The following GTF3C1 variants were observed in gnomAD, a reference collection of about 807,000 sequenced individuals.
GTF3C1 encodes general transcription factor IIIC subunit 1.
GTF3C1 carries 57 observed loss-of-function variants against 226.7 expected under a neutral mutation model. The observed-to-expected ratio is 0.25, with a 90% CI of 0.20 to 0.31. The LOEUF (loss-of-function observed/expected upper bound fraction) is 0.31. Among genes scored for constraint, GTF3C1 ranks in the 10% least tolerant of loss-of-function variants. The pLI, the probability that GTF3C1 is intolerant of heterozygous loss-of-function variation, is 1.00. For missense variants in GTF3C1, 2,217 were observed against 2,776.1 expected, an observed-to-expected ratio of 0.80 and a Z score of 4.53; for synonymous variants, 1,090 against 1,084.8, an observed-to-expected ratio of 1.00 and a Z score of -0.09.
At chr16:27,532,029 G>A (rs1337068485) in intron 5 of GTF3C1, among the ~76,000 whole-genome samples, 3 of 152,214 alleles carry the variant, frequency 2.0e-5, no homozygotes, top group Non-Finnish European at 4.4e-5. Context: ...GAAGCAGGTG[G>A]ACTGCGGGGG....
In GTF3C1 at chr16:27,497,081, G is replaced by A. The variant is rs561167416; in HGVS notation, c.2350+556C>T. 5.9e-5 allele frequency among the ~76,000 whole-genome samples: 9 copies of A among 152,164 alleles called. No individual in the cohort carries two copies. In the South Asian group the frequency reaches 6.2e-4, roughly 11 times the overall value. The stretch of plus-strand genomic sequence containing the variant: ...GCTGCCTGACAGACAGCCGGGCCCC[G>A]GTGAGTCAAGTTTGCCCTCCTTCCT... On this transcript the variant is annotated intron_variant, in intron 14 of 36. Transcript: ENST00000356183.
intron 6 of GTF3C1, among the ~76,000 whole-genome samples, chr16:27,512,556 G>T (rs2088591310): frequency 6.6e-6 from 1 of 152,302 alleles, no homozygotes; most frequent in East Asian, 1.9e-4. Context: ...ACCAGCAATG[G>T]GGGTGGAGGG....
At chr16:27,486,265 T>G in intron 23 of GTF3C1, 111 bp from the exon 24 acceptor site, 2 of 614,588 alleles carry the variant, frequency 3.3e-6, no homozygotes, top group Non-Finnish European at 5.8e-6. Flanking sequence ...CTAATGGTAT[T>G]GGTTAGCAGA....
At chr16:27,538,419 A>T in intron 2 of GTF3C1, 63 bp from the exon 3 acceptor site, 2 of 1,030,482 alleles carry the variant, frequency 1.9e-6, no homozygotes, top group Non-Finnish European at 2.8e-6. Context: ...AACTGAGATA[A>T]GAAAAAGAAA....
chr16:27,521,191 G>A (rs371882710), intron 6 of GTF3C1, among the ~76,000 whole-genome samples: 30 of 152,344 alleles, frequency 2.0e-4, no homozygotes, highest in African/African-American at 4.3e-4. Context: ...GGATACCTCC[G>A]CTGCCAGGCC....
chr16:27,473,508 G>C (rs1272665415), intron 29 of GTF3C1, among the ~76,000 whole-genome samples: 1 of 152,222 alleles, frequency 6.6e-6, no homozygotes, highest in Admixed American at 6.5e-5. Context: ...AGGATTTTAG[G>C]TGCTGCCCCC....
Position 27,501,090 on chromosome 16 carries a change from T to G in GTF3C1, c.2061+101A>C. On this transcript the variant is annotated intron_variant, in intron 12 of 36. Transcript: ENST00000356183. ...ATAATGGGAAATTCCAAGTCACTGGTAATAAAGCAACTACCAGGATACAGC... is the reference window on the plus strand; with the variant it reads ...ATAATGGGAAATTCCAAGTCACTGGGAATAAAGCAACTACCAGGATACAGC... The G allele has an allele frequency of 3.1e-6, 3 of 955,390 alleles. No individual in the cohort carries two copies. The African/African-American group carries it at 4.9e-5, about 15-fold the overall frequency. The allele number at this position is 955,390 out of a possible 1,614,324, so 59.2% of individuals were successfully genotyped here.
intron 2 of GTF3C1, among the ~76,000 whole-genome samples, chr16:27,538,969 TATACAC>T (rs1415434437): frequency 2.3e-5 from 3 of 128,852 alleles, no homozygotes; most frequent in Admixed American, 7.8e-5. Flanking sequence ...TATACACACA[TATACAC>T]ACACACACAC....
chr16:27,476,479 C>A lies in GTF3C1; in HGVS notation c.4325G>T (p.Ser1442Ile). 1 of 1,612,894 alleles carries A rather than the reference C, an allele frequency of 6.2e-7. No individual in the cohort carries two copies. Reference sequence around the variant, plus strand: ...GAATGACTGGTAGGACTTCATCTGACTGTCTGAGAGGGCCAGCGTGCTCTG... The same window carrying A: ...GAATGACTGGTAGGACTTCATCTGAATGTCTGAGAGGGCCAGCGTGCTCTG... ...LIQSTLALSD[S>I]QMKSYQSFQT... is the part of the protein sequence containing the mutation. Residue 1442 changes from serine (S) to isoleucine (I), a missense_variant, in exon 29 of 37, where the codon AGT (serine) becomes ATT (isoleucine). Transcript: ENST00000356183.
chr16:27,544,479 G>A (rs2089135400), intron 2 of GTF3C1, among the ~76,000 whole-genome samples: 1 of 151,850 alleles, frequency 6.6e-6, no homozygotes, highest in African/African-American at 2.4e-5. Context: ...GAGGGGAGGA[G>A]GAGGAAGGGA....
Position 27,507,827 on chromosome 16 carries a change from T to C in GTF3C1, c.1243-671A>G, listed in dbSNP as rs140544171. Reference sequence around the variant, plus strand: ...ATTACAAAAGAGTGCCAGACAGGCATAGCTGGCCAACTCGATGTCCCCAGG... The same window carrying C: ...ATTACAAAAGAGTGCCAGACAGGCACAGCTGGCCAACTCGATGTCCCCAGG... On this transcript the variant is annotated intron_variant, in intron 8 of 36. Coordinates refer to ENST00000356183, the MANE Select transcript of GTF3C1 (RefSeq NM_001520.4). The surrounding 1 kb of genome is among the most constrained non-coding windows in gnomAD (Gnocchi z 4.9). Among the ~76,000 whole-genome samples, 379 of 152,318 alleles carry C rather than the reference T, an allele frequency of 2.5e-3. 1 individual carries two copies. The highest frequency in any genetic ancestry group is 8.3e-3 in the African/African-American group (345 of 41,552).
chr16:27,526,683 C>A (rs780255588), intron 6 of GTF3C1, among the ~76,000 whole-genome samples: 1 of 152,230 alleles, frequency 6.6e-6, no homozygotes, highest in Non-Finnish European at 1.5e-5. Context: ...CCTTTGAGCA[C>A]CCAAATGTCA....
chr16:27,498,968 C>T lies in GTF3C1; in HGVS notation c.2062-235G>A, dbSNP rs949409182. ...CTCTGCCATGGGTGCCGGGGCTGCTCGGTCCCACTGAGAAATCTGGCCTGG... is the reference window on the plus strand; with the variant it reads ...CTCTGCCATGGGTGCCGGGGCTGCTTGGTCCCACTGAGAAATCTGGCCTGG... On this transcript the variant is annotated intron_variant, in intron 12 of 36. Transcript: ENST00000356183. Among the ~76,000 whole-genome samples the T allele has an allele frequency of 3.3e-5, 5 of 152,226 alleles. No homozygotes were observed. The South Asian group carries it at 6.2e-4, about 19-fold the overall frequency.
chr16:27,474,103 G>A (rs540127703), intron 29 of GTF3C1, among the ~76,000 whole-genome samples: 2 of 152,276 alleles, frequency 1.3e-5, no homozygotes, highest in Admixed American at 6.5e-5. Context: ...CTGGCTTCCC[G>A]GAACCTTGAG....
Position 27,495,349 on chromosome 16 carries a change from TC to T in GTF3C1, c.2493del (p.Ile832Ter). On this transcript the variant is annotated frameshift_variant, in exon 15 of 37. Coordinates refer to ENST00000356183, the MANE Select transcript of GTF3C1 (RefSeq NM_001520.4). LOFTEE classifies it high-confidence loss of function. Reference protein sequence around the residue: ...EKPSFISERRTIKQESGRAGV... With the variant: ...EKPSFISERRXIKQESGRAGV... Reference sequence around the variant, plus strand: ...CCTGCCCTGCCTGACTCCTGCTTTATCGTTCTCCGTTCACTGATGAAGCTTG... The same window carrying T: ...CCTGCCCTGCCTGACTCCTGCTTTATGTTCTCCGTTCACTGATGAAGCTTG... 1 of 1,614,202 alleles carries T rather than the reference TC, an allele frequency of 6.2e-7. No individual in the cohort carries two copies. The highest frequency in any genetic ancestry group is 8.5e-7 in the Non-Finnish European group (1 of 1,180,014).
chr16:27,528,917 T>C (rs1246175857), intron 5 of GTF3C1, among the ~76,000 whole-genome samples, 196 bp from the exon 6 acceptor site: 2 of 152,142 alleles, frequency 1.3e-5, no homozygotes, highest in Non-Finnish European at 2.9e-5. Flanking sequence ...ATTCTACCTT[T>C]TGATTAGAGG....
At chr16:27,483,569 G>C in intron 25 of GTF3C1, 1 of 433,858 alleles carries the variant, frequency 2.3e-6, no homozygotes, top group Non-Finnish European at 4.7e-6. Context: ...AGGAGAGCCT[G>C]ACTTGCCCAA....
rs776650119 is a variant in GTF3C1, at chr16:27,533,402, G to A, written c.753-15C>T. 3.2e-5 allele frequency: 47 copies of A among 1,478,608 alleles called. No individual in the cohort carries two copies. The highest frequency in any genetic ancestry group is 2.6e-4 in the South Asian group (23 of 88,038). The allele number at this position is 1,478,608 out of a possible 1,614,324, so 91.6% of individuals were successfully genotyped here. A position where few individuals can be genotyped will look rare whatever the true frequency, so the allele number is the denominator to read the frequency against. ...ATTTGCTCCTCCTGCAAGAAACACC[G>A]AGCAATTCGTTTTTTCAAACCTGTT... is the stretch of plus-strand genomic sequence containing the variant. On this transcript the variant is annotated splice_polypyrimidine_tract_variant and intron_variant, in intron 4 of 36. Coordinates refer to ENST00000356183, the MANE Select transcript of GTF3C1 (RefSeq NM_001520.4).
intron 33 of GTF3C1, 43 bp from the exon 34 acceptor site, chr16:27,464,879 A>G: frequency 6.9e-7 from 1 of 1,452,798 alleles, no homozygotes; most frequent in Non-Finnish European, 9.1e-7. Flanking sequence ...GGAGCTCGGG[A>G]TCCTCCACGC....
Sources: gnomAD v4.1 joint callset for allele counts (sites outside exome capture counted in the v4.1 genomes callset) on GRCh38, gnomAD v4.1.1 for gene constraint, Gnocchi (gnomAD v3.1) non-coding constraint, MANE v1.5 for transcripts, NCBI Gene and HGNC (gene_info 2026-07-23, HGNC 2026-07-21) for gene names.